HHAT: variants seen among roughly 807,000 people sequenced by gnomAD.
The protein encoded by HHAT is protein-cysteine N-palmitoyltransferase HHAT.
HHAT carries 47 observed loss-of-function variants against 70.8 expected under a neutral mutation model. The observed-to-expected ratio is 0.66, with a 90% CI of 0.53 to 0.85. HHAT has a LOEUF of 0.85. Ranked by LOEUF, HHAT falls within the 40% of genes least tolerant of loss-of-function variation. The probability of loss-of-function intolerance (pLI) is 0.00; values close to 1 mark genes in which losing one functional copy is unlikely to be tolerated. For missense variants in HHAT, 609 were observed against 604.8 expected (o/e 1.01, Z -0.07); for synonymous variants, 228 against 247.6 (o/e 0.92, Z 0.74).
At chr1:210,338,184 TA>T (rs10718306) in intron 1 of HHAT, among the ~76,000 whole-genome samples, 46,371 of 149,948 alleles carry the variant, frequency 0.31, 8,724 homozygotes, top group African/African-American at 0.54. Flanking sequence ...CGCCCCCATT[TA>T]AAAAAAAAAA....
chr1:210,333,656 TATG>T (rs1289304634), intron 1 of HHAT, among the ~76,000 whole-genome samples: 1 of 150,794 alleles, frequency 6.6e-6, no homozygotes, highest in Non-Finnish European at 1.5e-5. Flanking sequence ...CTTTTACTAC[TATG>T]ATTTTTTTTT....
At position 210,573,707 on chromosome 1, in the gene HHAT, T is replaced by C. The variant is rs188949967; in HGVS notation, c.1044-14191T>C. Among the ~76,000 whole-genome samples, 265 of 152,288 alleles carry C rather than the reference T, an allele frequency of 1.7e-3. 1 individual carries two copies. Among genetic ancestry groups the C allele is most frequent in the African/African-American group, 5.8e-3 (243 of 41,558 alleles). On this transcript the variant is annotated intron_variant, in intron 9 of 11. Transcript: ENST00000261458. The stretch of plus-strand genomic sequence containing the variant: ...TCCCCCCATCAGTCCCCGCCAGCTG[T>C]CCCTTTTGCTCAGGGTATCTCCTGT...
chr1:210,549,004 C>G (rs1313512025), intron 9 of HHAT, among the ~76,000 whole-genome samples: 2 of 152,226 alleles, frequency 1.3e-5, no homozygotes, highest in Non-Finnish European at 2.9e-5. Context: ...TGCAGCAGTT[C>G]TTAAGAACAT....
intron 11 of HHAT, among the ~76,000 whole-genome samples, chr1:210,663,232 G>C (rs936949817): frequency 3.3e-5 from 5 of 152,162 alleles, no homozygotes; most frequent in African/African-American, 1.2e-4. Flanking sequence ...GAGATGGGGG[G>C]ACCGAGTGAG....
At chr1:210,561,542 G>C (rs901621666) in intron 9 of HHAT, among the ~76,000 whole-genome samples, 2 of 152,300 alleles carry the variant, frequency 1.3e-5, no homozygotes, top group East Asian at 3.9e-4. Context: ...CTGGTGCCTA[G>C]AAGGTGCTCA....
chr1:210,425,776 A>T (rs903369704), intron 7 of HHAT, among the ~76,000 whole-genome samples: 1 of 152,150 alleles, frequency 6.6e-6, no homozygotes, highest in African/African-American at 2.4e-5. Context: ...GGGTAGCATG[A>T]TGCCTCCAGC....
chr1:210,614,230 C>T (rs945702170), intron 10 of HHAT, among the ~76,000 whole-genome samples: 10 of 151,918 alleles, frequency 6.6e-5, no homozygotes, highest in Non-Finnish European at 1.2e-4. Flanking sequence ...ATTGTTAGTA[C>T]ATAGAGATAC....
chr1:210,671,933 G>T (rs982991935), intron 11 of HHAT, among the ~76,000 whole-genome samples: 1 of 152,192 alleles, frequency 6.6e-6, no homozygotes, highest in African/African-American at 2.4e-5. Flanking sequence ...AGGCTAAGGC[G>T]CAAGGAAGAC....
At chr1:210,346,015 G>A (rs1415790695) in intron 1 of HHAT, among the ~76,000 whole-genome samples, 2 of 151,166 alleles carry the variant, frequency 1.3e-5, no homozygotes, top group Non-Finnish European at 2.9e-5. Context: ...AGCGAGCTGA[G>A]ATCATGCCAC....
intron 7 of HHAT, among the ~76,000 whole-genome samples, chr1:210,453,108 A>G (rs1366957279): frequency 1.3e-5 from 2 of 152,224 alleles, no homozygotes; most frequent in East Asian, 3.8e-4. Flanking sequence ...ATTCTACAAC[A>G]TAACAGTGAG....
intron 7 of HHAT, among the ~76,000 whole-genome samples, chr1:210,446,164 A>G (rs1269755831): frequency 1.3e-5 from 2 of 152,076 alleles, no homozygotes; most frequent in Non-Finnish European, 2.9e-5. Context: ...CCTCGTCCCC[A>G]GCCTTTTGGA....
At chr1:210,670,206 T>C (rs1679798099) in intron 11 of HHAT, among the ~76,000 whole-genome samples, 1 of 152,178 alleles carries the variant, frequency 6.6e-6, no homozygotes, top group African/African-American at 2.4e-5. Context: ...GAGCTGCTGA[T>C]GAAGATGAGG....
At position 210,643,674 on chromosome 1, in the gene HHAT, A is replaced by G. The variant is rs1673411445; in HGVS notation, c.1390+20004A>G. 2.6e-5 allele frequency among the ~76,000 whole-genome samples: 4 copies of G among 152,172 alleles called. No individual in the cohort carries two copies. In the South Asian group the frequency reaches 8.3e-4, roughly 32 times the overall value. ...TTGTGTGAACGACCTGGCTGCAGAGAGTGGCATTTGCGTTGTCTTTCAGTA... is the reference window on the plus strand; with the variant it reads ...TTGTGTGAACGACCTGGCTGCAGAGGGTGGCATTTGCGTTGTCTTTCAGTA... On this transcript the variant is annotated intron_variant, in intron 11 of 11. Transcript: ENST00000261458.
chr1:210,548,647 T>C (rs896759449), intron 9 of HHAT, among the ~76,000 whole-genome samples: 15 of 152,214 alleles, frequency 9.9e-5, no homozygotes, highest in Admixed American at 6.5e-4. Context: ...CCTAATTATT[T>C]GATTCATAAT....
chr1:210,540,473 A>G (rs74158905), intron 9 of HHAT, among the ~76,000 whole-genome samples: 19,988 of 102,154 alleles, frequency 0.2, 1,444 homozygotes, highest in South Asian at 0.29. Context: ...ACACACACGC[A>G]CACACATGCA....
At chr1:210,365,708 C>T (rs2088882120) in intron 3 of HHAT, among the ~76,000 whole-genome samples, 3 of 151,668 alleles carry the variant, frequency 2.0e-5, no homozygotes, top group Non-Finnish European at 4.4e-5. Context: ...CTCCATCTCT[C>T]AGGTTCAAAC....
At chr1:210,387,261 T>C (rs754940543) in intron 3 of HHAT, among the ~76,000 whole-genome samples, 9 of 152,154 alleles carry the variant, frequency 5.9e-5, no homozygotes, top group Non-Finnish European at 1.2e-4. Flanking sequence ...GTTAGGTTGG[T>C]GCAAAAGTAA....
chr1:210,513,234 AT>A, intron 9 of HHAT, 46 bp downstream of exon 9: 1 of 915,604 alleles, frequency 1.1e-6, no homozygotes, highest in Non-Finnish European at 1.8e-6. Context: ...TAACATGTCT[AT>A]TATGAAAGAT....
intron 9 of HHAT, among the ~76,000 whole-genome samples, chr1:210,579,882 G>A (rs186966638): frequency 6.8e-4 from 103 of 152,272 alleles, no homozygotes; most frequent in Non-Finnish European, 1.2e-3. Flanking sequence ...TGAAGTTGTG[G>A]TTGAATCTTT....
Sources: gnomAD v4.1 joint callset for allele counts (sites outside exome capture counted in the v4.1 genomes callset) on GRCh38, gnomAD v4.1.1 for gene constraint, MANE v1.5 for transcripts, NCBI Gene and HGNC (gene_info 2026-07-23, HGNC 2026-07-21) for gene names.